POU3F3: variants seen among roughly 807,000 people sequenced by gnomAD.
The protein encoded by POU3F3 is POU domain, class 3, transcription factor 3.
POU3F3 carries 1 observed loss-of-function variant against 8.6 expected under a neutral mutation model. The ratio of observed to expected loss-of-function variants is 0.12; its 90% CI spans 0.04 to 0.55. The LOEUF (loss-of-function observed/expected upper bound fraction) is 0.55, where lower values mean the gene tolerates loss of function less well. POU3F3 is among the 20% of genes least tolerant of loss of function. The probability of loss-of-function intolerance (pLI) is 0.91; values close to 1 mark genes in which losing one functional copy is unlikely to be tolerated. For synonymous variants in POU3F3, 418 were observed against 327.4 expected, an observed-to-expected ratio of 1.28 and a Z score of -2.99; for missense variants, 577 against 690.7, an observed-to-expected ratio of 0.84 and a Z score of 1.84.
chr2:104,905,163 C>T, the POU3F3 span, among the ~76,000 whole-genome samples: 18 of 152,192 alleles, frequency 1.2e-4, no homozygotes, highest in African/African-American at 2.2e-4. Flanking sequence ...CTCAATAACA[C>T]GACCTTTCAT....
At chr2:104,881,021 T>A in the POU3F3 span, among the ~76,000 whole-genome samples, 1 of 152,246 alleles carries the variant, frequency 6.6e-6, no homozygotes, top group Non-Finnish European at 1.5e-5. Context: ...TATTATTTCT[T>A]ATAGATTTTA....
At chr2:104,864,349 T>C in the POU3F3 span, among the ~76,000 whole-genome samples, 4 of 151,862 alleles carry the variant, frequency 2.6e-5, no homozygotes, top group Non-Finnish European at 5.9e-5. Context: ...CATTCCCCCT[T>C]CCCCCCGCAC....
chr2:104,864,664 G>A, the POU3F3 span, among the ~76,000 whole-genome samples: 2 of 152,122 alleles, frequency 1.3e-5, no homozygotes, highest in Non-Finnish European at 2.9e-5. Context: ...TCTTCCTTTG[G>A]AAACAGAATT....
the POU3F3 span, among the ~76,000 whole-genome samples, chr2:104,916,979 G>A: frequency 5.9e-5 from 9 of 152,288 alleles, no homozygotes; most frequent in Admixed American, 2.6e-4. Context: ...CCAATCTGCC[G>A]AAGGCCCAGA....
At chr2:104,867,964 C>G in the POU3F3 span, 1 of 269,294 alleles carries the variant, frequency 3.7e-6, no homozygotes, top group Non-Finnish European at 7.4e-6. The surrounding 1 kb of genome is among the most constrained non-coding windows in gnomAD (Gnocchi z 5.0). Flanking sequence ...CCCCTCTACT[C>G]GGCGCCCCCT....
At chr2:104,865,860 G>A in the POU3F3 span, 3 of 152,236 alleles carry the variant, frequency 2.0e-5, no homozygotes, top group South Asian at 4.2e-4. Context: ...AATTAAATAG[G>A]TCTAATCAGA....
At chr2:104,918,131 C>A in the POU3F3 span, among the ~76,000 whole-genome samples, 1 of 152,196 alleles carries the variant, frequency 6.6e-6, no homozygotes, top group East Asian at 1.9e-4. Flanking sequence ...CCCTTTGGAA[C>A]ACACTCACTG....
At chr2:104,859,224 C>T (rs1676627724), downstream of POU3F3, among the ~76,000 whole-genome samples, 1 of 152,102 alleles carries the variant, frequency 6.6e-6, no homozygotes, top group South Asian at 2.1e-4. Context: ...CCAACTCAGA[C>T]TTAAGGTTCT....
At chr2:104,893,431 C>G in the POU3F3 span, among the ~76,000 whole-genome samples, 5 of 152,304 alleles carry the variant, frequency 3.3e-5, no homozygotes, top group Admixed American at 2.0e-4. Flanking sequence ...GTTCTGTGGC[C>G]GCACAAGGGA....
the POU3F3 span, chr2:104,872,338 A>G: frequency 1.8e-5 from 8 of 456,594 alleles, no homozygotes; most frequent in Non-Finnish European, 2.6e-5. This position sits in a 1 kb window ranked among gnomAD's most constrained non-coding sequence, Gnocchi z 4.6. Flanking sequence ...ATCAAAGACC[A>G]GAGCACACAC....
chr2:104,895,781 G>A, the POU3F3 span, among the ~76,000 whole-genome samples: 5 of 152,202 alleles, frequency 3.3e-5, no homozygotes, highest in Admixed American at 6.5e-5. Flanking sequence ...GGGAAACTTC[G>A]TTCATCAGAG....
chr2:104,866,646 T>G, the POU3F3 span: 2 of 152,192 alleles, frequency 1.3e-5, no homozygotes, highest in Non-Finnish European at 2.9e-5. Context: ...ACTCACTTGA[T>G]TTTCTCCAAA....
At chr2:104,918,381 A>C in the POU3F3 span, among the ~76,000 whole-genome samples, 3 of 152,240 alleles carry the variant, frequency 2.0e-5, no homozygotes, top group Non-Finnish European at 2.9e-5. Flanking sequence ...CCCAAAATTC[A>C]TATGTTCAAG....
the POU3F3 span, among the ~76,000 whole-genome samples, chr2:104,880,672 C>T: frequency 2.7e-4 from 41 of 152,212 alleles, no homozygotes; most frequent in Non-Finnish European, 2.9e-4. Context: ...AGAAACACCT[C>T]TTCACTCCAT....
the POU3F3 span, among the ~76,000 whole-genome samples, chr2:104,873,616 G>C: frequency 1.3e-5 from 2 of 152,220 alleles, no homozygotes; most frequent in African/African-American, 4.8e-5. Context: ...AGAAAGTCTT[G>C]GGCGCCATCT....
the POU3F3 span, among the ~76,000 whole-genome samples, chr2:104,914,967 C>T: frequency 6.6e-6 from 1 of 152,288 alleles, no homozygotes; most frequent in East Asian, 1.9e-4. Flanking sequence ...CTGTGGAGCC[C>T]TGAAGGCCTC....
the POU3F3 span, among the ~76,000 whole-genome samples, chr2:104,894,610 G>C: frequency 6.9e-6 from 1 of 145,424 alleles, no homozygotes; most frequent in Non-Finnish European, 1.5e-5. Context: ...CCTGACCCAG[G>C]TGCCCCATGG....
chr2:104,859,001 G>A (rs554312312), downstream of POU3F3, among the ~76,000 whole-genome samples: 10 of 150,280 alleles, frequency 6.7e-5, no homozygotes, highest in South Asian at 1.1e-3. Flanking sequence ...CTCCCAACAT[G>A]TTCCTGTCTC....
chr2:104,860,312 C>T (rs1009572709), downstream of POU3F3, among the ~76,000 whole-genome samples: 2 of 151,980 alleles, frequency 1.3e-5, no homozygotes, highest in Non-Finnish European at 2.9e-5. Context: ...TTAATCAACC[C>T]TTTCAATGTA....
Sources: gnomAD v4.1 joint callset for allele counts (sites outside exome capture counted in the v4.1 genomes callset) on GRCh38, gnomAD v4.1.1 for gene constraint, Gnocchi (gnomAD v3.1) non-coding constraint, MANE v1.5 for transcripts, NCBI Gene and HGNC (gene_info 2026-07-23, HGNC 2026-07-21) for gene names.